IL1RAPL2: variants seen among roughly 807,000 people sequenced by gnomAD.
IL1RAPL2 encodes X-linked interleukin-1 receptor accessory protein-like 2.
A neutral mutation model predicts 44.1 loss-of-function variants in IL1RAPL2; 3 were observed. The ratio of observed to expected loss-of-function variants is 0.07; its 90% CI spans 0.03 to 0.18. IL1RAPL2 has a LOEUF of 0.18. Ranked by LOEUF, IL1RAPL2 falls within the 10% of genes least tolerant of loss-of-function variation. The pLI is 1.00. For synonymous variants in IL1RAPL2, 181 were observed against 178.8 expected (o/e 1.01, Z -0.10); for missense variants, 391 against 496.4 (o/e 0.79, Z 2.02).
In IL1RAPL2 at chrX:104,846,567, G is replaced by A. The variant is rs764637239; in HGVS notation, c.82+187572G>A. 5.2e-4 allele frequency among the ~76,000 whole-genome samples: 58 copies of A among 111,862 alleles called. 1 individual carries two copies. Among genetic ancestry groups the A allele is most frequent in the African/African-American group, 1.9e-3 (57 of 30,780 alleles). ...CTGCATAGTAATCCATGGTGTATAT[G>A]TGCCACATTTTCTTAATCCAGTCTA... On this transcript the variant is annotated intron_variant, in intron 2 of 10. Transcript: ENST00000372582.
intron 5 of IL1RAPL2, among the ~76,000 whole-genome samples, chrX:105,343,421 G>A (rs2035086641): frequency 9.0e-6 from 1 of 111,438 alleles, no homozygotes; most frequent in Non-Finnish European, 1.9e-5. Context: ...TTACATAGTT[G>A]TAATCATACT....
At chrX:105,596,306 G>T (rs1712229864) in intron 6 of IL1RAPL2, among the ~76,000 whole-genome samples, 2 of 108,714 alleles carry the variant, frequency 1.8e-5, no homozygotes, top group Non-Finnish European at 3.8e-5. Context: ...CTTAAAACTG[G>T]GTCTGCTGTA....
chrX:105,753,010 G>C (rs1011420667), intron 9 of IL1RAPL2: 8 of 329,022 alleles, frequency 2.4e-5, no homozygotes, highest in African/African-American at 2.1e-4. Context: ...GATGTGTTGG[G>C]TGTTAATACG....
chrX:105,190,686 C>G (rs1461735836), intron 2 of IL1RAPL2, among the ~76,000 whole-genome samples: 1 of 112,176 alleles, frequency 8.9e-6, no homozygotes, highest in African/African-American at 3.2e-5. Context: ...ATCAGCAATT[C>G]TATACATAGT....
chrX:104,649,995 G>A (rs185076666), intron 1 of IL1RAPL2, among the ~76,000 whole-genome samples: 3 of 111,813 alleles, frequency 2.7e-5, no homozygotes, highest in Admixed American at 9.5e-5. Context: ...CTTCAATATG[G>A]CATTACTCAT....
intron 2 of IL1RAPL2, among the ~76,000 whole-genome samples, chrX:104,678,731 A>T (rs765998460): frequency 9.0e-6 from 1 of 111,708 alleles, no homozygotes; most frequent in East Asian, 2.8e-4. Context: ...CAATTGTTCA[A>T]TTCCCACTTA....
At chrX:104,568,263 G>A (rs1053017194) in intron 1 of IL1RAPL2, among the ~76,000 whole-genome samples, 71 of 110,981 alleles carry the variant, frequency 6.4e-4, no homozygotes, top group Middle Eastern at 4.7e-3. Flanking sequence ...GCATAGCTGG[G>A]AACAGACCCC....
intron 5 of IL1RAPL2, among the ~76,000 whole-genome samples, chrX:105,339,659 A>T (rs2035055593): frequency 9.0e-6 from 1 of 111,717 alleles, no homozygotes; most frequent in Non-Finnish European, 1.9e-5. Flanking sequence ...TCATCTCAGA[A>T]ACTACCTGTC....
intron 5 of IL1RAPL2, among the ~76,000 whole-genome samples, chrX:105,314,029 A>G (rs2034818086): frequency 8.9e-6 from 1 of 112,257 alleles, no homozygotes; most frequent in Non-Finnish European, 1.9e-5. Context: ...ATCAAAATCT[A>G]TCTGACACAT....
At chrX:105,319,127 T>A (rs1440716427) in intron 5 of IL1RAPL2, among the ~76,000 whole-genome samples, 3 of 112,192 alleles carry the variant, frequency 2.7e-5, no homozygotes, top group African/African-American at 9.7e-5. Flanking sequence ...CACAGCCCAG[T>A]AAAGGAGCTT....
At chrX:105,249,618 C>G (rs1292637915) in intron 4 of IL1RAPL2, among the ~76,000 whole-genome samples, 1 of 110,782 alleles carries the variant, frequency 9.0e-6, no homozygotes, top group Non-Finnish European at 1.9e-5. Context: ...AAATATATAA[C>G]CTACTATATA....
At chrX:105,740,304 G>A (rs990972584) in intron 7 of IL1RAPL2, among the ~76,000 whole-genome samples, 1 of 111,619 alleles carries the variant, frequency 9.0e-6, no homozygotes, top group Non-Finnish European at 1.9e-5. Context: ...TCAAATAGAC[G>A]CAATAATATT....
intron 7 of IL1RAPL2, among the ~76,000 whole-genome samples, chrX:105,731,359 T>G (rs1450748816): frequency 4.5e-5 from 5 of 110,222 alleles, no homozygotes. Context: ...TAGCAAGTAA[T>G]GAGATTGAAT....
chrX:105,640,693 C>T (rs866943717), intron 6 of IL1RAPL2, among the ~76,000 whole-genome samples: 66 of 70,043 alleles, frequency 9.4e-4, no homozygotes, highest in Admixed American at 3.0e-3. Context: ...TATATATATA[C>T]ACACACATAT....
intron 1 of IL1RAPL2, among the ~76,000 whole-genome samples, chrX:104,603,412 A>C (rs1345830189): frequency 9.0e-6 from 1 of 111,467 alleles, no homozygotes; most frequent in Admixed American, 9.6e-5. Flanking sequence ...AAGGATCACA[A>C]CTCCTCACCA....
chrX:105,662,643 G>C (rs755516403), intron 6 of IL1RAPL2, among the ~76,000 whole-genome samples: 1 of 111,842 alleles, frequency 8.9e-6, no homozygotes, highest in East Asian at 2.8e-4. Flanking sequence ...TTGGCGATTC[G>C]ATCATAAAAG....
intron 2 of IL1RAPL2, among the ~76,000 whole-genome samples, chrX:104,903,446 TA>T (rs61087559): frequency 3.9e-4 from 41 of 105,933 alleles, no homozygotes; most frequent in East Asian, 5.8e-4. Context: ...AACACCATAG[TA>T]AAAAAAAAAA....
chrX:105,357,390 T>C (rs2035211120), intron 5 of IL1RAPL2, among the ~76,000 whole-genome samples: 1 of 111,938 alleles, frequency 8.9e-6, no homozygotes, highest in African/African-American at 3.2e-5. Context: ...AGTATTATAA[T>C]TATCACTACC....
At chrX:105,258,121 C>T (rs1450970599) in intron 4 of IL1RAPL2, among the ~76,000 whole-genome samples, 1 of 111,741 alleles carries the variant, frequency 8.9e-6, no homozygotes. Flanking sequence ...TAAGGCAGTT[C>T]TGGTGGTAAT....
Sources: allele counts gnomAD v4.1 joint callset (sites outside exome capture counted in the v4.1 genomes callset), GRCh38; gene constraint gnomAD v4.1.1; transcripts MANE v1.5; gene names NCBI Gene and HGNC (gene_info 2026-07-23, HGNC 2026-07-21).